The following FUCA2 variants were observed in gnomAD, a reference collection of about 807,000 sequenced individuals.
FUCA2 encodes alpha-L-fucosidase 2, also known as plasma alpha-L-fucosidase.
Under a neutral mutation model 52.6 loss-of-function variants are expected in FUCA2, and 41 were observed. That is an observed-to-expected ratio of 0.78 (90% confidence interval 0.61 to 1.01). The LOEUF (loss-of-function observed/expected upper bound fraction) is 1.01, where lower values mean the gene tolerates loss of function less well. Among genes scored for constraint, FUCA2 ranks in the 50% least tolerant of loss-of-function variants. The pLI, the probability that FUCA2 is intolerant of heterozygous loss-of-function variation, is 0.00. For synonymous variants in FUCA2, 211 were observed against 217.3 expected, an observed-to-expected ratio of 0.97 and a Z score of 0.26; for missense variants, 507 against 569.5, an observed-to-expected ratio of 0.89 and a Z score of 1.12.
Position 143,503,748 on chromosome 6 carries a change from G to A in FUCA2, c.752+165C>T, listed in dbSNP as rs938032087. 7 of 564,246 alleles carry A rather than the reference G, an allele frequency of 1.2e-5. No homozygotes were observed. Among genetic ancestry groups the A allele is most frequent in the African/African-American group, 1.9e-5 (1 of 53,030 alleles). The allele number at this position is 564,246 out of a possible 1,614,324, so 35.0% of individuals were successfully genotyped here. A position where few individuals can be genotyped will look rare whatever the true frequency, so the allele number is the denominator to read the frequency against. ...TCCTGATTTATTTACCCTTGATTAT[G>A]TTGAGTAAATAGTGATATATCTAAT... is the stretch of plus-strand genomic sequence containing the variant. On this transcript the variant is annotated intron_variant, in intron 3 of 6. Transcript: ENST00000002165. The surrounding 1 kb of genome is among the most constrained non-coding windows in gnomAD (Gnocchi z 4.8).
rs1407672923 is a variant in FUCA2, at chr6:143,497,722, C to T, written c.1155-225G>A. Among the ~76,000 whole-genome samples, 1 of 152,162 alleles carries T rather than the reference C, an allele frequency of 6.6e-6. No homozygotes were observed. The highest frequency in any genetic ancestry group is 1.9e-4 in the East Asian group (1 of 5,198). On this transcript the variant is annotated intron_variant, in intron 5 of 6. Transcript: ENST00000002165. The surrounding 1 kb of genome is among the most constrained non-coding windows in gnomAD (Gnocchi z 5.3). ...ACAAAGATTTTCCTGAGCTAGCATT[C>T]CTCTTCATCAGACTGCTCTCATGGA... is the stretch of plus-strand genomic sequence containing the variant.
At position 143,504,731 on chromosome 6, in the gene FUCA2, C is replaced by A. The variant is rs1780577648; in HGVS notation, c.413-479G>T. On this transcript the variant is annotated intron_variant, in intron 2 of 6. Transcript: ENST00000002165. This position sits in a 1 kb window ranked among gnomAD's most constrained non-coding sequence, Gnocchi z 4.4. The stretch of plus-strand genomic sequence containing the variant: ...TGCAAGATTCTTAGTGTCTTCTAAA[C>A]CAAAGCTTGAAGTCTACTGCTTAGT... 2.6e-5 allele frequency: 4 copies of A among 153,426 alleles called. No homozygotes were observed. Among genetic ancestry groups the A allele is most frequent in the Admixed American group, 1.9e-4 (3 of 15,444 alleles). The allele number at this position is 153,426 out of a possible 1,614,324, so 9.5% of individuals were successfully genotyped here.
At position 143,495,720 on chromosome 6, in the gene FUCA2, G is replaced by C; in HGVS notation, c.1391C>G (p.Thr464Ser). The change falls in exon 7 of 7, where the codon ACT becomes AGT. Residue 464 changes from threonine (T) to serine (S), a missense_variant. Thr to Ser is a moderately conservative substitution (Grantham distance 58). Transcript: ENST00000002165. This position sits in a 1 kb window ranked among gnomAD's most constrained non-coding sequence, Gnocchi z 5.2. ...PCKWGWALAL[T>S]NVI The stretch of plus-strand genomic sequence containing the variant: ...CTCTGCTGCACTTTAGATCACATTA[G>C]TCAGGGCTAGAGCCCAGCCCCATTT... 1 of 1,613,860 alleles carries C rather than the reference G, an allele frequency of 6.2e-7. No individual in the cohort carries two copies. Among genetic ancestry groups the C allele is most frequent in the Non-Finnish European group, 8.5e-7 (1 of 1,179,852 alleles).
chr6:143,502,372 T>C lies in FUCA2; in HGVS notation c.946A>G (p.Ile316Val), dbSNP rs1186182197. The C allele has an allele frequency of 9.3e-6, 15 of 1,613,986 alleles. No homozygotes were observed. The highest frequency in any genetic ancestry group is 8.9e-5 in the East Asian group (4 of 44,878). The part of the protein sequence containing the change: ...REAGISDYLT[I>V]EELVKQLVET... ...CACTGTACCTTCACCAATTCTTCAATTGTAAGATAGTCAGAGATTCCAGCT... is the reference window on the plus strand; with the variant it reads ...CACTGTACCTTCACCAATTCTTCAACTGTAAGATAGTCAGAGATTCCAGCT... Residue 316 changes from isoleucine to valine, a missense_variant, in exon 4 of 7, where the codon ATT becomes GTT. Ile to Val is a conservative substitution (Grantham distance 29, BLOSUM62 3). Coordinates refer to ENST00000002165, the MANE Select transcript of FUCA2 (RefSeq NM_032020.5). This position sits in a 1 kb window ranked among gnomAD's most constrained non-coding sequence, Gnocchi z 4.1.
chr6:143,508,554 C>A (rs1379055471), intron 1 of FUCA2, among the ~76,000 whole-genome samples: 3 of 152,250 alleles, frequency 2.0e-5, no homozygotes, highest in Non-Finnish European at 4.4e-5. Flanking sequence ...TCCACTACAG[C>A]TGCGACAGGG....
Position 143,500,154 on chromosome 6 carries a change from T to C in FUCA2, c.1154+1778A>G, listed in dbSNP as rs1288511303. Among the ~76,000 whole-genome samples, 2 of 152,134 alleles carry C rather than the reference T, an allele frequency of 1.3e-5. No homozygotes were observed. The highest frequency in any genetic ancestry group is 1.5e-5 in the Non-Finnish European group (1 of 68,022). ...AAGTTGATGTTCCGTCAAGTGAGTA[T>C]GGCAGAGGGAGCAAGGGTTCAGGAG... On this transcript the variant is annotated intron_variant, in intron 5 of 6. Transcript: ENST00000002165. This position sits in a 1 kb window ranked among gnomAD's most constrained non-coding sequence, Gnocchi z 6.9.
chr6:143,503,669 G>T lies in FUCA2; in HGVS notation c.752+244C>A, dbSNP rs143207364. On this transcript the variant is annotated intron_variant, in intron 3 of 6. Coordinates refer to ENST00000002165, the MANE Select transcript of FUCA2 (RefSeq NM_032020.5). This position sits in a 1 kb window ranked among gnomAD's most constrained non-coding sequence, Gnocchi z 4.8. Reference sequence around the variant, plus strand: ...CAAAATTAACACCTTCAAAGTTCTTGATCCTGTGATTTTTAGTCTGATCTC... The same window carrying T: ...CAAAATTAACACCTTCAAAGTTCTTTATCCTGTGATTTTTAGTCTGATCTC... 540 of 421,318 alleles carry T rather than the reference G, an allele frequency of 1.3e-3. 5 individuals carry two copies. The highest frequency in any genetic ancestry group is 0.01 in the African/African-American group (497 of 49,278). The allele number at this position is 421,318 out of a possible 1,614,324, so 26.1% of individuals were successfully genotyped here.
intron 2 of FUCA2, chr6:143,505,044 G>A (rs751305703): frequency 6.6e-6 from 1 of 152,094 alleles, no homozygotes; most frequent in Non-Finnish European, 1.5e-5. Context: ...CTTAGAAGTG[G>A]TTCGTTTTTA....
intron 2 of FUCA2, chr6:143,506,467 T>C (rs1780609797): frequency 6.6e-6 from 1 of 152,088 alleles, no homozygotes; most frequent in African/African-American, 2.4e-5. Flanking sequence ...ATTTTGGGAT[T>C]ACAGACATGA....
chr6:143,506,979 T>C, intron 2 of FUCA2: 1 of 420,802 alleles, frequency 2.4e-6, no homozygotes, highest in Non-Finnish European at 4.2e-6. Flanking sequence ...AAGTAAATCT[T>C]GGAAATATTG....
rs2128421285 is a variant in FUCA2 at position 143,495,900 on chromosome 6, C to T, written c.1264-53G>A. The stretch of plus-strand genomic sequence containing the variant: ...TCTCCAAATTTATCTCTTTATCTCA[C>T]CCACTTTCTATTGGGAAGGAGTGAT... On this transcript the variant is annotated intron_variant, in intron 6 of 6. Coordinates refer to ENST00000002165, the MANE Select transcript of FUCA2 (RefSeq NM_032020.5). This position sits in a 1 kb window ranked among gnomAD's most constrained non-coding sequence, Gnocchi z 5.2. 2.5e-6 allele frequency: 4 copies of T among 1,584,890 alleles called. No individual in the cohort carries two copies. Among genetic ancestry groups the T allele is most frequent in the African/African-American group, 1.3e-5 (1 of 74,466 alleles).
rs1562667408 is a variant in FUCA2 at position 143,510,358 on chromosome 6, TAAG to T, written c.224+1050_224+1052del. Among the ~76,000 whole-genome samples, 1 of 152,106 alleles carries T rather than the reference TAAG, an allele frequency of 6.6e-6. No homozygotes were observed. The highest frequency in any genetic ancestry group is 1.5e-5 in the Non-Finnish European group (1 of 68,022). The stretch of plus-strand genomic sequence containing the variant: ...TGTTTAATGATTCCGTTCTTTTACT[TAAG>T]AATATATTATGTGTCCCAAAGTCCT... On this transcript the variant is annotated intron_variant, in intron 1 of 6. Coordinates refer to ENST00000002165, the MANE Select transcript of FUCA2 (RefSeq NM_032020.5). This position sits in a 1 kb window ranked among gnomAD's most constrained non-coding sequence, Gnocchi z 4.4.
At position 143,504,041 on chromosome 6, in the gene FUCA2, C is replaced by T. The variant is rs779388369; in HGVS notation, c.624G>A (p.Lys208=). The T allele has an allele frequency of 6.2e-7, 1 of 1,614,124 alleles. No homozygotes were observed. The highest frequency in any genetic ancestry group is 1.7e-5 in the Admixed American group (1 of 59,998). The part of the protein sequence containing the change: ...SFHKRQFPVS[K]TLPELYELVN... ...CTAACTCATAGAGCTCTGGCAATGTCTTAGAAACTGGAAATTGCCGCTTAT... is the reference window on the plus strand; with the variant it reads ...CTAACTCATAGAGCTCTGGCAATGTTTTAGAAACTGGAAATTGCCGCTTAT... The change falls in exon 3 of 7, where the codon AAG becomes AAA. Residue 208 remains lysine, a synonymous_variant. Coordinates refer to ENST00000002165, the MANE Select transcript of FUCA2 (RefSeq NM_032020.5). The surrounding 1 kb of genome is among the most constrained non-coding windows in gnomAD (Gnocchi z 4.4).
At position 143,500,051 on chromosome 6, in the gene FUCA2, CGT is replaced by C. The variant is rs113162477; in HGVS notation, c.1154+1879_1154+1880del. Among the ~76,000 whole-genome samples the C allele has an allele frequency of 1.1e-4, 16 of 149,942 alleles. No homozygotes were observed. The highest frequency in any genetic ancestry group is 1.6e-4 in the Non-Finnish European group (11 of 67,232). ...ATTTTACATTGTATGTGTCTGGGTGCGTGTGTGTGTGTGTGTGTTTCCATAGT... is the reference window on the plus strand; with the variant it reads ...ATTTTACATTGTATGTGTCTGGGTGCGTGTGTGTGTGTGTGTTTCCATAGT... On this transcript the variant is annotated intron_variant, in intron 5 of 6. Transcript: ENST00000002165. This position sits in a 1 kb window ranked among gnomAD's most constrained non-coding sequence, Gnocchi z 6.9.
At position 143,497,640 on chromosome 6, in the gene FUCA2, C is replaced by T; in HGVS notation, c.1155-143G>A. 1 of 560,408 alleles carries T rather than the reference C, an allele frequency of 1.8e-6. No individual in the cohort carries two copies. Among genetic ancestry groups the T allele is most frequent in the Admixed American group, 3.2e-5 (1 of 31,252 alleles). 34.7% of individuals were successfully genotyped at this position (560,408 alleles called of 1,614,324 possible). Reference sequence around the variant, plus strand: ...AATAGAAGGGAAGGAAAAATAGCCTCATGGTGGTATAAAAAAACACCTTCC... The same window carrying T: ...AATAGAAGGGAAGGAAAAATAGCCTTATGGTGGTATAAAAAAACACCTTCC... On this transcript the variant is annotated intron_variant, in intron 5 of 6. Transcript: ENST00000002165. The surrounding 1 kb of genome is among the most constrained non-coding windows in gnomAD (Gnocchi z 5.3).
rs547160099 is a variant in FUCA2 at position 143,501,960 on chromosome 6, G to C, written c.1126C>G (p.Gln376Glu). The stretch of plus-strand genomic sequence containing the variant: ...ACATCTGGGGTGACAGTGTCATTCT[G>C]GGATCGCCAGGTATGGGTTTCATAA... The part of the protein sequence containing the change: ...AIYETHTWRS[Q>E]NDTVTPDVWY... The change falls in exon 5 of 7, where the codon CAG becomes GAG. Residue 376 changes from glutamine to glutamate, a missense_variant. By Grantham distance (29) the Gln-to-Glu change is conservative. Coordinates refer to ENST00000002165, the MANE Select transcript of FUCA2 (RefSeq NM_032020.5). The surrounding 1 kb of genome is among the most constrained non-coding windows in gnomAD (Gnocchi z 6.1). 9.9e-6 allele frequency: 16 copies of C among 1,613,664 alleles called. No individual in the cohort carries two copies. The South Asian group carries it at 1.4e-4, about 14-fold the overall frequency.
Position 143,495,824 on chromosome 6 carries a change from C to T in FUCA2, c.1287G>A (p.Gln429=), listed in dbSNP as rs1436167006. 6.2e-7 allele frequency: 1 copy of T among 1,614,114 alleles called. No homozygotes were observed. Among genetic ancestry groups the T allele is most frequent in the East Asian group, 2.2e-5 (1 of 44,874 alleles). Residue 429 remains glutamine, a synonymous_variant, in exon 7 of 7, where the codon CAG becomes CAA. Transcript: ENST00000002165. The surrounding 1 kb of genome is among the most constrained non-coding windows in gnomAD (Gnocchi z 5.2). ...ATEVKLLGHG[Q]PLNWISLEQN... is the part of the protein sequence containing the mutation. ...GCTCCAAAGAAATCCAGTTAAGTGG[C>T]TGTCCATGGCCCAGTAGTTTCACCT...
rs1440145838 is a variant in FUCA2, at chr6:143,507,237, C to T, written c.412G>A (p.Gly138Ser). The stretch of plus-strand genomic sequence containing the variant: ...ATTTCCATAGGCTGGATTGACTTAC[C>T]TTCATGATGTTTGGAAGTTAAGACA... The part of the protein sequence containing the change: ...YIVLTSKHHE[G>S]FTLWGSEYSW... Residue 138 changes from glycine (G) to serine (S), a missense_variant and splice_region_variant, in exon 2 of 7, where the codon GGC (glycine) becomes AGC (serine). Gly to Ser is a moderately conservative substitution (Grantham distance 56). Transcript: ENST00000002165. The surrounding 1 kb of genome is among the most constrained non-coding windows in gnomAD (Gnocchi z 4.5). 22 of 1,582,620 alleles carry T rather than the reference C, an allele frequency of 1.4e-5. No individual in the cohort carries two copies. Among genetic ancestry groups the T allele is most frequent in the Non-Finnish European group, 1.9e-5 (22 of 1,170,520 alleles).
Position 143,502,370 on chromosome 6 carries a change from A to C in FUCA2, c.948T>G (p.Ile316Met), listed in dbSNP as rs754939055. Residue 316 changes from isoleucine (I) to methionine (M), a missense_variant, in exon 4 of 7, where the codon ATT becomes ATG. Coordinates refer to ENST00000002165, the MANE Select transcript of FUCA2 (RefSeq NM_032020.5). This position sits in a 1 kb window ranked among gnomAD's most constrained non-coding sequence, Gnocchi z 4.1. Reference protein sequence around the residue: ...REAGISDYLTIEELVKQLVET... With the variant: ...REAGISDYLTMEELVKQLVET... ...TTCACTGTACCTTCACCAATTCTTC[A>C]ATTGTAAGATAGTCAGAGATTCCAG... 1.2e-6 allele frequency: 2 copies of C among 1,613,940 alleles called. No homozygotes were observed. Among genetic ancestry groups the C allele is most frequent in the East Asian group, 4.5e-5 (2 of 44,882 alleles).
Sources: gnomAD v4.1 joint callset for allele counts (sites outside exome capture counted in the v4.1 genomes callset) on GRCh38, gnomAD v4.1.1 for gene constraint, Gnocchi (gnomAD v3.1) non-coding constraint, MANE v1.5 for transcripts, NCBI Gene and HGNC (gene_info 2026-07-23, HGNC 2026-07-21) for gene names.